The following VAV2 variants were observed in gnomAD, a reference collection of about 807,000 sequenced individuals.
VAV2 encodes vav guanine nucleotide exchange factor 2.
A neutral mutation model predicts 132.5 loss-of-function variants in VAV2; 67 were observed. The observed-to-expected ratio is 0.51, with a 90% confidence interval of 0.42 to 0.62. VAV2 has a LOEUF of 0.62. Among genes scored for constraint, VAV2 ranks in the 20% least tolerant of loss-of-function variants. The pLI is 0.00. For synonymous variants in VAV2, 492 were observed against 443.5 expected, an observed-to-expected ratio of 1.11 and a Z score of -1.37; for missense variants, 938 against 1,153.6, an observed-to-expected ratio of 0.81 and a Z score of 2.71.
intron 1 of VAV2, among the ~76,000 whole-genome samples, chr9:133,955,404 C>T (rs1433356980): frequency 6.9e-5 from 10 of 145,114 alleles, no homozygotes; most frequent in South Asian, 2.3e-4. Flanking sequence ...CTCCCCACTC[C>T]CCACACTCCT....
At chr9:133,835,462 A>C (rs1338082119) in intron 3 of VAV2, among the ~76,000 whole-genome samples, 3 of 152,128 alleles carry the variant, frequency 2.0e-5, no homozygotes, top group Non-Finnish European at 4.4e-5. Flanking sequence ...CACCCAGAAG[A>C]GGGGGCTGCA....
intron 5 of VAV2, among the ~76,000 whole-genome samples, chr9:133,811,335 C>G (rs941122970): frequency 6.6e-6 from 1 of 152,264 alleles, no homozygotes; most frequent in Non-Finnish European, 1.5e-5. Context: ...TGCTTCTCCA[C>G]CACCAGCTGG....
intron 2 of VAV2, among the ~76,000 whole-genome samples, chr9:133,872,498 G>A (rs1381732911): frequency 6.6e-6 from 1 of 152,248 alleles, no homozygotes; most frequent in Non-Finnish European, 1.5e-5. Context: ...TGGGGGCACA[G>A]CCTCTCCTCG....
chr9:133,942,394 C>T (rs1376959970), intron 1 of VAV2, among the ~76,000 whole-genome samples: 1 of 152,316 alleles, frequency 6.6e-6, no homozygotes, highest in Non-Finnish European at 1.5e-5. Flanking sequence ...TGGCCTGCAG[C>T]CCTGGGAACA....
intron 9 of VAV2, among the ~76,000 whole-genome samples, chr9:133,799,450 C>A (rs1834847301): frequency 6.6e-6 from 1 of 152,228 alleles, no homozygotes; most frequent in Non-Finnish European, 1.5e-5. Context: ...TGATAAAGGA[C>A]CTGAATCTGC....
intron 4 of VAV2, among the ~76,000 whole-genome samples, chr9:133,830,771 A>G (rs1836232678): frequency 6.6e-6 from 1 of 152,192 alleles, no homozygotes; most frequent in Admixed American, 6.5e-5. Flanking sequence ...TGTGTCTTGT[A>G]AATTGCCATA....
intron 3 of VAV2, among the ~76,000 whole-genome samples, chr9:133,841,842 C>A (rs1836737924): frequency 6.6e-6 from 1 of 152,196 alleles, no homozygotes; most frequent in South Asian, 2.1e-4. Context: ...TAGTGAGCAT[C>A]CTGCATGTGC....
intron 2 of VAV2, among the ~76,000 whole-genome samples, chr9:133,886,302 G>A (rs1016008482): frequency 6.6e-6 from 1 of 152,212 alleles, no homozygotes; most frequent in Non-Finnish European, 1.5e-5. Flanking sequence ...CTGAGCAGTG[G>A]CCACAAAGCC....
At chr9:133,814,761 C>A (rs1255131881) in intron 4 of VAV2, among the ~76,000 whole-genome samples, 3 of 152,158 alleles carry the variant, frequency 2.0e-5, no homozygotes, top group Non-Finnish European at 4.4e-5. Flanking sequence ...CCATGCCGCC[C>A]CCATCACAGG....
rs1840467118 is a variant in VAV2 at position 133,926,008 on chromosome 9, A to G, written c.321+13095T>C. On this transcript the variant is annotated intron_variant, in intron 2 of 29. Transcript: ENST00000371850. This position sits in a 1 kb window ranked among gnomAD's most constrained non-coding sequence, Gnocchi z 4.3. ...TAACTGTGGACATGGACCAAAAAAA[A>G]AAAAAAAAAAAAAAAAAAAAGCATG... 6.8e-6 allele frequency: 1 copy of G among 147,808 alleles called. No homozygotes were observed. Among genetic ancestry groups the G allele is most frequent in the Non-Finnish European group, 1.5e-5 (1 of 66,610 alleles). 9.2% of individuals were successfully genotyped at this position (147,808 alleles called of 1,614,324 possible).
chr9:133,910,044 A>G (rs1252776045), intron 2 of VAV2, among the ~76,000 whole-genome samples: 1 of 152,168 alleles, frequency 6.6e-6, no homozygotes, highest in African/African-American at 2.4e-5. Context: ...GAATCTGGCC[A>G]ATAAAGAGGA....
rs968063861 is a variant in VAV2 at position 133,824,288 on chromosome 9, G to A, written c.449+9984C>T. ...CTGGGCTTGTCTAGACCACAGGAGCGAGAAAGGCTGGACTGCCTACAGAGG... is the reference window on the plus strand; with the variant it reads ...CTGGGCTTGTCTAGACCACAGGAGCAAGAAAGGCTGGACTGCCTACAGAGG... On this transcript the variant is annotated intron_variant, in intron 4 of 29. Transcript: ENST00000371850. The surrounding 1 kb of genome is among the most constrained non-coding windows in gnomAD (Gnocchi z 5.2). Among the ~76,000 whole-genome samples, 2 of 152,094 alleles carry A rather than the reference G, an allele frequency of 1.3e-5. No individual in the cohort carries two copies. Among genetic ancestry groups the A allele is most frequent in the Non-Finnish European group, 2.9e-5 (2 of 68,012 alleles).
rs75910146 is a variant in VAV2, at chr9:133,907,203, C to T, written c.321+31900G>A. 7.9e-3 allele frequency among the ~76,000 whole-genome samples: 1,196 copies of T among 152,320 alleles called. 19 individuals are homozygous for T. Among genetic ancestry groups the T allele is most frequent in the African/African-American group, 0.027 (1,120 of 41,556 alleles). ...ACGCTGGGCACACAGACACATGCGG[C>T]CCCAGCACCTCAAATTCATCCTCGC... On this transcript the variant is annotated intron_variant, in intron 2 of 29. Transcript: ENST00000371850.
intron 2 of VAV2, among the ~76,000 whole-genome samples, chr9:133,931,452 C>A (rs1160451340): frequency 1.3e-5 from 2 of 152,064 alleles, no homozygotes; most frequent in Non-Finnish European, 2.9e-5. Context: ...AGGAGAAACA[C>A]GTCCTTCCCT....
At chr9:133,954,237 G>GTGCC (rs1159335389) in intron 1 of VAV2, among the ~76,000 whole-genome samples, 4 of 152,200 alleles carry the variant, frequency 2.6e-5, no homozygotes, top group Non-Finnish European at 4.4e-5. Flanking sequence ...GAAGCGGCAT[G>GTGCC]TGCCTGGTGT....
At chr9:133,811,821 C>A (rs551882725) in intron 5 of VAV2, among the ~76,000 whole-genome samples, 3 of 152,186 alleles carry the variant, frequency 2.0e-5, no homozygotes, top group Non-Finnish European at 4.4e-5. Flanking sequence ...GCAACACGGG[C>A]GGGGGTCATG....
At chr9:133,849,713 T>A (rs1837092524) in intron 3 of VAV2, among the ~76,000 whole-genome samples, 1 of 152,138 alleles carries the variant, frequency 6.6e-6, no homozygotes, top group Non-Finnish European at 1.5e-5. Flanking sequence ...CTCTTCCAGC[T>A]CAGGTGGGCT....
rs919005681 is a variant in VAV2 at position 133,991,496 on chromosome 9, C to T, written c.204+579G>A. Among the ~76,000 whole-genome samples the T allele has an allele frequency of 4.0e-5, 6 of 151,128 alleles. No individual in the cohort carries two copies. Among genetic ancestry groups the T allele is most frequent in the African/African-American group, 1.5e-4 (6 of 41,012 alleles). On this transcript the variant is annotated intron_variant, in intron 1 of 29. Transcript: ENST00000371850. This position sits in a 1 kb window ranked among gnomAD's most constrained non-coding sequence, Gnocchi z 4.8. ...GGCTCGACCCGGGAGCCAGGACTGG[C>T]GCCAAGTGGCCCGGGTCCGGGTCCG...
Position 133,779,907 on chromosome 9 carries a change from A to G in VAV2, c.1762+11T>C, listed in dbSNP as rs1422497073. On this transcript the variant is annotated intron_variant, in intron 21 of 29. Coordinates refer to ENST00000371850, the MANE Select transcript of VAV2 (RefSeq NM_001134398.2). ...GGGTGATAGCAGAGGGCCCAGGTCC[A>G]GAAGACTCACCTGGTCCCGCTCCGG... The G allele has an allele frequency of 3.1e-6, 5 of 1,611,578 alleles. No homozygotes were observed. Among genetic ancestry groups the G allele is most frequent in the Non-Finnish European group, 4.2e-6 (5 of 1,179,334 alleles).
Sources: gnomAD v4.1 joint callset for allele counts (sites outside exome capture counted in the v4.1 genomes callset) on GRCh38, gnomAD v4.1.1 for gene constraint, Gnocchi (gnomAD v3.1) non-coding constraint, MANE v1.5 for transcripts, NCBI Gene and HGNC (gene_info 2026-07-23, HGNC 2026-07-21) for gene names.